SEMA3A: variants seen among roughly 807,000 people sequenced by gnomAD.
SEMA3A encodes semaphorin-3A.
A neutral mutation model predicts 97.9 loss-of-function variants in SEMA3A; 29 were observed. The observed-to-expected ratio is 0.30, with a 90% CI of 0.22 to 0.40. The LOEUF (loss-of-function observed/expected upper bound fraction) is 0.40, where lower values mean the gene tolerates loss of function less well. Ranked by LOEUF, SEMA3A falls within the 10% of genes least tolerant of loss-of-function variation. SEMA3A has a pLI of 1.00. For missense variants in SEMA3A, 763 were observed against 951.3 expected (o/e 0.80, Z 2.60); for synonymous variants, 321 against 323.7 (o/e 0.99, Z 0.09).
Position 84,429,516 on chromosome 7 carries a change from T to TTTTATATATATATATATATATATATATA in SEMA3A, c.-245-57617_-245-57616insTATATATATATATATATATATATATAAA, listed in dbSNP as rs1554385260. ...TTGCATTAGTAAAATATAGAGTTTG[T>TTTTATATATATATATATATATATATATA]TATATATATATATATATATATATAT... On this transcript the variant is annotated intron_variant, in intron 1 of 3. Transcript: ENST00000424555. Among the ~76,000 whole-genome samples, 60 of 72,374 alleles carry TTTTATATATATATATATATATATATATA rather than the reference T, an allele frequency of 8.3e-4. 3 individuals are homozygous for TTTTATATATATATATATATATATATATA. Among genetic ancestry groups the TTTTATATATATATATATATATATATATA allele is most frequent in the African/African-American group, 3.1e-3 (44 of 14,118 alleles). The allele number at this position is 72,374 out of a possible 152,430, so 47.5% of individuals were successfully genotyped here. A position where few individuals can be genotyped will look rare whatever the true frequency, so the allele number is the denominator to read the frequency against.
At chr7:83,993,616 TTTTC>T (rs1176575693) in intron 12 of SEMA3A, among the ~76,000 whole-genome samples, 1 of 143,170 alleles carries the variant, frequency 7.0e-6, no homozygotes, top group Non-Finnish European at 1.5e-5. Flanking sequence ...TTGAAAATTC[TTTTC>T]TTTAAGAATG....
intron 13 of SEMA3A, among the ~76,000 whole-genome samples, chr7:83,985,136 G>A (rs1301589350): frequency 2.0e-5 from 3 of 151,882 alleles, no homozygotes; most frequent in Non-Finnish European, 4.4e-5. Context: ...AATTATTATT[G>A]AGTATTGAGT....
chr7:84,314,964 T>C (rs1801455821), intron 2 of SEMA3A, among the ~76,000 whole-genome samples: 1 of 152,160 alleles, frequency 6.6e-6, no homozygotes, highest in Admixed American at 6.6e-5. Context: ...TCCAACATAG[T>C]ACTATAAAAT....
chr7:84,423,604 T>G (rs1804661217), intron 1 of SEMA3A, among the ~76,000 whole-genome samples: 1 of 152,090 alleles, frequency 6.6e-6, no homozygotes, highest in African/African-American at 2.4e-5. Context: ...CATCTATATC[T>G]ATATTTAAAC....
At chr7:84,321,902 A>AAAAAAAAAAT (rs1801658557) in intron 2 of SEMA3A, among the ~76,000 whole-genome samples, 1 of 143,960 alleles carries the variant, frequency 6.9e-6, no homozygotes, top group Non-Finnish European at 1.5e-5. Flanking sequence ...AAAAAAAAGA[A>AAAAAAAAAAT]GAAGAAGAAG....
intron 2 of SEMA3A, among the ~76,000 whole-genome samples, chr7:84,309,311 G>T (rs954698033): frequency 6.6e-6 from 1 of 152,198 alleles, no homozygotes; most frequent in Non-Finnish European, 1.5e-5. Flanking sequence ...GATCAGGAAT[G>T]ACTTGGAAGT....
rs570265726 is a variant in SEMA3A at position 84,411,150 on chromosome 7, AG to A, written c.-245-39251del. On this transcript the variant is annotated intron_variant, in intron 1 of 3. Transcript: ENST00000424555. ...CTGTATCTTAGAAACATCAATGGAG[AG>A]GTAGAGAGATAGCATTCTTCTCCCA... is the stretch of plus-strand genomic sequence containing the variant. 2.0e-4 allele frequency among the ~76,000 whole-genome samples: 31 copies of A among 152,194 alleles called. No individual in the cohort carries two copies. In the South Asian group the frequency reaches 6.4e-3, roughly 32 times the overall value.
intron 1 of SEMA3A, among the ~76,000 whole-genome samples, chr7:84,376,466 T>TGGTGGCGGGCGC: frequency 7.1e-6 from 1 of 141,002 alleles, no homozygotes; most frequent in African/African-American, 2.6e-5. Flanking sequence ...TAGCCGGGCG[T>TGGTGGCGGGCGC]GGTGGCGGGC....
At chr7:84,075,927 A>C (rs1159540281) in intron 4 of SEMA3A, among the ~76,000 whole-genome samples, 1 of 152,176 alleles carries the variant, frequency 6.6e-6, no homozygotes, top group Non-Finnish European at 1.5e-5. Flanking sequence ...TCAATTATGA[A>C]ATCCAGATTC....
At chr7:84,434,033 T>A (rs908956606) in intron 1 of SEMA3A, among the ~76,000 whole-genome samples, 1 of 152,198 alleles carries the variant, frequency 6.6e-6, no homozygotes, top group Admixed American at 6.5e-5. Context: ...GCCTGTTCAC[T>A]CTGATGATAG....
chr7:83,983,414 A>G (rs1273862993), intron 13 of SEMA3A, among the ~76,000 whole-genome samples: 2 of 150,874 alleles, frequency 1.3e-5, no homozygotes, highest in South Asian at 2.1e-4. Flanking sequence ...TGTTTCGCCA[A>G]TAACGTCTAA....
intron 3 of SEMA3A, among the ~76,000 whole-genome samples, chr7:84,220,428 G>C (rs1243441027): frequency 6.6e-6 from 1 of 152,130 alleles, no homozygotes. Context: ...CCCATGAATT[G>C]TGAACGTTCT....
At chr7:84,018,562 G>T (rs1252813103) in intron 6 of SEMA3A, among the ~76,000 whole-genome samples, 1 of 152,104 alleles carries the variant, frequency 6.6e-6, no homozygotes, top group East Asian at 1.9e-4. Flanking sequence ...GGGAGATAGG[G>T]CATTGAAGGA....
chr7:84,328,429 G>A (rs1408560820), intron 2 of SEMA3A, among the ~76,000 whole-genome samples: 2 of 151,958 alleles, frequency 1.3e-5, no homozygotes, highest in African/African-American at 4.8e-5. Flanking sequence ...GAAAATGAAA[G>A]AGCAGGAGAT....
rs560866004 is a variant in SEMA3A, at chr7:84,122,071, G to T, written c.333+7052C>A. ...ATGGCTGGGTCAAATGGTATTTCTA[G>T]TTCTAGATCCTTGAGGAATCGCCAC... On this transcript the variant is annotated intron_variant, in intron 3 of 16. Coordinates refer to ENST00000265362, the MANE Select transcript of SEMA3A (RefSeq NM_006080.3). Among the ~76,000 whole-genome samples, 11 of 151,640 alleles carry T rather than the reference G, an allele frequency of 7.3e-5. No individual in the cohort carries two copies. The South Asian group carries it at 2.3e-3, about 32-fold the overall frequency.
rs912871712 is a variant in SEMA3A, at chr7:84,072,716, C to T, written c.454-12158G>A. Among the ~76,000 whole-genome samples the T allele has an allele frequency of 2.6e-5, 4 of 151,858 alleles. No homozygotes were observed. The South Asian group carries it at 6.2e-4, about 24-fold the overall frequency. On this transcript the variant is annotated intron_variant, in intron 4 of 16. Transcript: ENST00000265362. Reference sequence around the variant, plus strand: ...GTTGTGAATCTCAAGGAGTATACCACGAAGTACAACAAAAATTATATAACA... The same window carrying T: ...GTTGTGAATCTCAAGGAGTATACCATGAAGTACAACAAAAATTATATAACA...
At chr7:84,148,712 C>T (rs939000472) in intron 1 of SEMA3A, among the ~76,000 whole-genome samples, 1 of 152,126 alleles carries the variant, frequency 6.6e-6, no homozygotes, top group African/African-American at 2.4e-5. Flanking sequence ...CCTCTGCCAC[C>T]CCTAACACAG....
At chr7:84,348,452 T>C (rs977707382) in intron 2 of SEMA3A, among the ~76,000 whole-genome samples, 4 of 152,198 alleles carry the variant, frequency 2.6e-5, no homozygotes, top group African/African-American at 9.7e-5. Flanking sequence ...TCTGAAGGTA[T>C]GTTCTAAAAT....
chr7:84,074,354 A>G (rs1793861101), intron 4 of SEMA3A, among the ~76,000 whole-genome samples: 1 of 152,162 alleles, frequency 6.6e-6, no homozygotes, highest in Non-Finnish European at 1.5e-5. Flanking sequence ...TTATTTAACA[A>G]TATACATTGT....
Sources: gnomAD v4.1 joint callset for allele counts (sites outside exome capture counted in the v4.1 genomes callset) on GRCh38, gnomAD v4.1.1 for gene constraint, MANE v1.5 for transcripts, NCBI Gene and HGNC (gene_info 2026-07-23, HGNC 2026-07-21) for gene names.